TOX3: variants seen among roughly 807,000 people sequenced by gnomAD.
TOX3 encodes the protein CAG trinucleotide repeat-containing gene F9 protein.
In TOX3, 22 loss-of-function variants were observed where a neutral mutation model predicts 64.3. The observed-to-expected ratio is 0.34, with a 90% CI of 0.24 to 0.49. The LOEUF is 0.49. TOX3 is among the 20% of genes least tolerant of loss of function. The pLI is 0.99. For missense variants in TOX3, 661 were observed against 714.4 expected, an observed-to-expected ratio of 0.93 and a Z score of 0.85; for synonymous variants, 291 against 273.6, an observed-to-expected ratio of 1.06 and a Z score of -0.63.
At chr16:52,471,700 T>C (rs1961049739) in intron 1 of TOX3, among the ~76,000 whole-genome samples, 1 of 152,214 alleles carries the variant, frequency 6.6e-6, no homozygotes. Context: ...TGGAGTCATT[T>C]TCACTTACTT....
At chr16:52,493,378 GA>G (rs1961751325) in intron 1 of TOX3, among the ~76,000 whole-genome samples, 1 of 152,072 alleles carries the variant, frequency 6.6e-6, no homozygotes. Flanking sequence ...ATTTTTAATC[GA>G]GTTCAGCGTA....
intron 1 of TOX3, among the ~76,000 whole-genome samples, chr16:52,480,035 G>T (rs1317407168): frequency 6.6e-6 from 1 of 152,162 alleles, no homozygotes; most frequent in African/African-American, 2.4e-5. Flanking sequence ...GTGTTAAAAT[G>T]ATCCCATTTC....
At chr16:52,471,939 C>T (rs1418426547) in intron 1 of TOX3, among the ~76,000 whole-genome samples, 2 of 152,168 alleles carry the variant, frequency 1.3e-5, no homozygotes, top group Non-Finnish European at 2.9e-5. Flanking sequence ...ACCTCATGAT[C>T]TCTATCATTT....
chr16:52,533,236 A>G (rs1962886288), intron 1 of TOX3, among the ~76,000 whole-genome samples: 2 of 152,190 alleles, frequency 1.3e-5, no homozygotes, highest in Admixed American at 1.3e-4. Flanking sequence ...CCATGCCAGC[A>G]TCACTTGGGA....
chr16:52,476,468 G>T (rs1961210273), intron 1 of TOX3, among the ~76,000 whole-genome samples: 1 of 151,978 alleles, frequency 6.6e-6, no homozygotes, highest in African/African-American at 2.4e-5. Flanking sequence ...AGAATTAAGG[G>T]GGCTTTTTTG....
chr16:52,484,553 T>G (rs1237304602), intron 1 of TOX3, among the ~76,000 whole-genome samples: 2 of 152,156 alleles, frequency 1.3e-5, no homozygotes, highest in Non-Finnish European at 2.9e-5. Flanking sequence ...TAATCAAGTT[T>G]TACTGTTGAT....
In TOX3 at chr16:52,439,260, G is replaced by A; in HGVS notation, c.1696C>T (p.Gln566Ter). The change falls in exon 7 of 7, where the codon CAG becomes TAG. Residue 566 changes from glutamine (Q) to a stop codon, truncating the protein, a stop_gained. Coordinates refer to ENST00000219746, the MANE Select transcript of TOX3 (RefSeq NM_001080430.4). LOFTEE classifies it high-confidence loss of function. ...QHQSQIQSQTQTQVLSQVSIF is the reference protein window; with the variant it reads ...QHQSQIQSQT ...CTGACCTGCGATAATACTTGAGTCT[G>A]TGTCTGAGACTGTATTTGCGACTGG... 1 of 1,613,952 alleles carries A rather than the reference G, an allele frequency of 6.2e-7. No individual in the cohort carries two copies. Among genetic ancestry groups the A allele is most frequent in the South Asian group, 1.1e-5 (1 of 91,078 alleles).
intron 1 of TOX3, among the ~76,000 whole-genome samples, chr16:52,527,732 C>A (rs1189695850): frequency 6.6e-6 from 1 of 152,128 alleles, no homozygotes; most frequent in Admixed American, 6.5e-5. Flanking sequence ...CTCCATCAGG[C>A]CCTAGAGAAA....
At chr16:52,543,867 G>C (rs1442134303) in intron 1 of TOX3, among the ~76,000 whole-genome samples, 1 of 152,174 alleles carries the variant, frequency 6.6e-6, no homozygotes, top group African/African-American at 2.4e-5. Context: ...AGAATGTAAA[G>C]ATAATACACA....
chr16:52,516,807 T>C (rs1962471372), intron 1 of TOX3, among the ~76,000 whole-genome samples: 2 of 152,176 alleles, frequency 1.3e-5, no homozygotes, highest in African/African-American at 2.4e-5. Flanking sequence ...GATGGAAATG[T>C]TCTATATTTA....
chr16:52,447,632 T>C (rs977784859), intron 4 of TOX3, among the ~76,000 whole-genome samples: 2 of 152,180 alleles, frequency 1.3e-5, no homozygotes, highest in Non-Finnish European at 2.9e-5. Context: ...CAAAATGCCA[T>C]CTTTCATAAC....
intron 1 of TOX3, among the ~76,000 whole-genome samples, chr16:52,493,993 T>C (rs1405525736): frequency 6.6e-6 from 1 of 152,158 alleles, no homozygotes; most frequent in Non-Finnish European, 1.5e-5. Flanking sequence ...AGAACAGATA[T>C]TTTCTGACTG....
chr16:52,441,378 G>A (rs1022275903), intron 6 of TOX3, among the ~76,000 whole-genome samples: 1 of 152,142 alleles, frequency 6.6e-6, no homozygotes, highest in Non-Finnish European at 1.5e-5. Context: ...TATCAAAGGA[G>A]TCATAGATAA....
chr16:52,473,065 T>G (rs536527500), intron 1 of TOX3, among the ~76,000 whole-genome samples: 1 of 152,154 alleles, frequency 6.6e-6, no homozygotes, highest in Non-Finnish European at 1.5e-5. Flanking sequence ...CCGCAGGATT[T>G]TTTAGAAATT....
chr16:52,444,420 T>G, intron 5 of TOX3, 64 bp from the exon 6 acceptor site: 1 of 1,362,212 alleles, frequency 7.3e-7, no homozygotes, highest in Non-Finnish European at 1.0e-6. Context: ...AAATAGCTGC[T>G]GCACAAATTA....
intron 1 of TOX3, among the ~76,000 whole-genome samples, chr16:52,511,530 C>A (rs1391974520): frequency 6.6e-6 from 1 of 152,148 alleles, no homozygotes; most frequent in Non-Finnish European, 1.5e-5. Context: ...ACTGAAAACA[C>A]ATTTGTATCA....
At chr16:52,445,079 C>T (rs1960123412) in intron 5 of TOX3, 3 of 152,138 alleles carry the variant, frequency 2.0e-5, no homozygotes, top group Non-Finnish European at 4.4e-5. Flanking sequence ...TTTTCCAGTC[C>T]CTCAGAATTA....
chr16:52,525,880 C>T (rs1230347736), intron 1 of TOX3, among the ~76,000 whole-genome samples: 1 of 152,158 alleles, frequency 6.6e-6, no homozygotes, highest in Non-Finnish European at 1.5e-5. Flanking sequence ...AATTAAATTA[C>T]TTGTTACCGT....
rs572025482 is a variant in TOX3 at position 52,483,502 on chromosome 16, C to T, written c.88-14928G>A. On this transcript the variant is annotated intron_variant, in intron 1 of 6. Transcript: ENST00000219746. Reference sequence around the variant, plus strand: ...GAGCTGAGATGAAACCTACATGTTGCCTACCCATTCACCGTTGGGTAAAAT... The same window carrying T: ...GAGCTGAGATGAAACCTACATGTTGTCTACCCATTCACCGTTGGGTAAAAT... 3.2e-4 allele frequency among the ~76,000 whole-genome samples: 49 copies of T among 151,712 alleles called. 1 individual carries two copies. Among genetic ancestry groups the T allele is most frequent in the African/African-American group, 1.1e-3 (47 of 41,356 alleles).
Sources: gnomAD v4.1 joint callset for allele counts (sites outside exome capture counted in the v4.1 genomes callset) on GRCh38, gnomAD v4.1.1 for gene constraint, MANE v1.5 for transcripts, NCBI Gene and HGNC (gene_info 2026-07-23, HGNC 2026-07-21) for gene names.